Variants in DLG2 observed in about 807,000 individuals in gnomAD.
DLG2 encodes discs large MAGUK scaffold protein 2.
Under a neutral mutation model 132.5 loss-of-function variants are expected in DLG2, and 45 were observed. The observed-to-expected ratio is 0.34, with a 90% CI of 0.27 to 0.44. The LOEUF is 0.44. Ranked by LOEUF, DLG2 falls within the 20% of genes least tolerant of loss-of-function variation. The pLI, the probability that DLG2 is intolerant of heterozygous loss-of-function variation, is 1.00. For missense variants in DLG2, 1,045 were observed against 1,196.9 expected, an observed-to-expected ratio of 0.87 and a Z score of 1.87; for synonymous variants, 424 against 419.6, an observed-to-expected ratio of 1.01 and a Z score of -0.13.
chr11:84,384,445 A>G (rs899494195), intron 7 of DLG2, among the ~76,000 whole-genome samples: 1 of 152,048 alleles, frequency 6.6e-6, no homozygotes, highest in South Asian at 2.1e-4. Context: ...GATAGTTGGG[A>G]TAGTAAGCTT....
chr11:84,070,790 A>G (rs527945287), intron 10 of DLG2, among the ~76,000 whole-genome samples: 9 of 152,320 alleles, frequency 5.9e-5, no homozygotes, highest in African/African-American at 2.2e-4. Context: ...GTTTGAGTAC[A>G]GTGATCTTAA....
At chr11:83,682,271 T>TA in intron 18 of DLG2, 1 of 985,374 alleles carries the variant, frequency 1.0e-6, no homozygotes, top group Non-Finnish European at 1.2e-6. Context: ...CACTTGCCTT[T>TA]ATAACTAAGA....
rs189770489 is a variant in DLG2 at position 84,293,747 on chromosome 11, T to G, written c.520-42456A>C. On this transcript the variant is annotated intron_variant, in intron 7 of 27. Transcript: ENST00000376104. The stretch of plus-strand genomic sequence containing the variant: ...GGTAAAAACTTCATATAATGAGAGT[T>G]CCAATAAGAATGATTCTCTTAAACT... Among the ~76,000 whole-genome samples the G allele has an allele frequency of 2.0e-5, 3 of 152,256 alleles. No homozygotes were observed. The East Asian group carries it at 5.8e-4, about 29-fold the overall frequency.
At chr11:85,428,631 T>G (rs562483942) in intron 3 of DLG2, among the ~76,000 whole-genome samples, 134 of 152,300 alleles carry the variant, frequency 8.8e-4, no homozygotes, top group African/African-American at 3.1e-3. Context: ...CAAAGCAGTG[T>G]GTAGAGGGAA....
At chr11:85,026,389 T>C (rs2060513552) in intron 6 of DLG2, among the ~76,000 whole-genome samples, 1 of 152,056 alleles carries the variant, frequency 6.6e-6, no homozygotes, top group African/African-American at 2.4e-5. Context: ...TATGAAGACT[T>C]TTTCATACAA....
chr11:84,132,021 T>C (rs1340890945), intron 9 of DLG2, among the ~76,000 whole-genome samples: 2 of 151,836 alleles, frequency 1.3e-5, no homozygotes, highest in Non-Finnish European at 2.9e-5. Context: ...AAGAGAAAGA[T>C]ATTTATTCTG....
chr11:85,134,070 G>A (rs1309198299), intron 5 of DLG2, among the ~76,000 whole-genome samples: 1 of 152,008 alleles, frequency 6.6e-6, no homozygotes, highest in Non-Finnish European at 1.5e-5. Flanking sequence ...GAGAGTGAAT[G>A]ACAGAATGGA....
intron 19 of DLG2, among the ~76,000 whole-genome samples, chr11:83,564,681 G>A (rs532467): frequency 0.72 from 108,918 of 152,024 alleles, 39,708 homozygotes; most frequent in African/African-American, 0.86. Flanking sequence ...ATTTATTATT[G>A]GTGGGTTATC....
At chr11:83,917,022 T>C (rs1361312408) in intron 15 of DLG2, among the ~76,000 whole-genome samples, 1 of 152,216 alleles carries the variant, frequency 6.6e-6, no homozygotes, top group Non-Finnish European at 1.5e-5. Flanking sequence ...CATTATATGA[T>C]TTAATAATAC....
chr11:83,805,287 T>G (rs952196243), intron 17 of DLG2, among the ~76,000 whole-genome samples: 1 of 152,030 alleles, frequency 6.6e-6, no homozygotes, highest in African/African-American at 2.4e-5. Flanking sequence ...TAAAAAATGG[T>G]TATTTTATAA....
chr11:84,665,101 G>C (rs2099698536), intron 6 of DLG2, among the ~76,000 whole-genome samples: 1 of 152,076 alleles, frequency 6.6e-6, no homozygotes, highest in Non-Finnish European at 1.5e-5. Flanking sequence ...CCCTTACCTA[G>C]AGACAAGCTA....
chr11:83,622,203 C>T (rs1420160789), intron 19 of DLG2, among the ~76,000 whole-genome samples: 1 of 152,170 alleles, frequency 6.6e-6, no homozygotes, highest in Non-Finnish European at 1.5e-5. Flanking sequence ...GCTGCGATTA[C>T]AGGTGTGAGC....
In DLG2 at chr11:85,064,018, T is replaced by G. The variant is rs561395444; in HGVS notation, c.357+47643A>C. Among the ~76,000 whole-genome samples, 68 of 151,826 alleles carry G rather than the reference T, an allele frequency of 4.5e-4. 1 individual carries two copies. In the South Asian group the frequency reaches 0.012, roughly 26 times the overall value. On this transcript the variant is annotated intron_variant, in intron 6 of 27. Coordinates refer to ENST00000376104, the MANE Select transcript of DLG2 (RefSeq NM_001142699.3). The stretch of plus-strand genomic sequence containing the variant: ...AAGGGAAAATAAAAAATAACACAAA[T>G]ACAAGGCAAGCAGTTATTAAATCCA...
intron 8 of DLG2, among the ~76,000 whole-genome samples, chr11:84,171,138 C>G (rs2095811354): frequency 6.6e-6 from 1 of 151,996 alleles, no homozygotes; most frequent in South Asian, 2.1e-4. Flanking sequence ...GTAGCTGTTT[C>G]TCTCTAAAAA....
intron 4 of DLG2, among the ~76,000 whole-genome samples, chr11:85,252,015 C>A (rs1017188600): frequency 6.6e-6 from 1 of 151,990 alleles, no homozygotes; most frequent in Non-Finnish European, 1.5e-5. Flanking sequence ...AACAAAATAG[C>A]AAGAGCAAAA....
rs562418490 is a variant in DLG2 at position 85,070,733 on chromosome 11, C to A, written c.357+40928G>T. Reference sequence around the variant, plus strand: ...TATATAATCACTTACCATCCACCCTCTGAAGAATGAATCCTCTCCCACCTT... The same window carrying A: ...TATATAATCACTTACCATCCACCCTATGAAGAATGAATCCTCTCCCACCTT... On this transcript the variant is annotated intron_variant, in intron 6 of 27. Coordinates refer to ENST00000376104, the MANE Select transcript of DLG2 (RefSeq NM_001142699.3). 6.6e-5 allele frequency among the ~76,000 whole-genome samples: 10 copies of A among 151,986 alleles called. 1 individual carries two copies. Among genetic ancestry groups the A allele is most frequent in the African/African-American group, 2.4e-4 (10 of 41,520 alleles).
chr11:84,175,220 A>G (rs1473083313), intron 8 of DLG2, among the ~76,000 whole-genome samples: 5 of 152,130 alleles, frequency 3.3e-5, no homozygotes, highest in Non-Finnish European at 7.4e-5. Context: ...CTCTCTTACT[A>G]TACTTGTGGT....
chr11:83,871,282 G>C (rs2154063951), intron 16 of DLG2, among the ~76,000 whole-genome samples: 1 of 152,280 alleles, frequency 6.6e-6, no homozygotes, highest in South Asian at 2.1e-4. Context: ...AATTATAGAT[G>C]ATTCAGATAT....
chr11:84,871,606 G>T, intron 6 of DLG2, among the ~76,000 whole-genome samples: 1 of 152,022 alleles, frequency 6.6e-6, no homozygotes. Flanking sequence ...CTGCAAAAAA[G>T]CAAGCTGAAA....
Sources: allele counts gnomAD v4.1 joint callset (sites outside exome capture counted in the v4.1 genomes callset), GRCh38; gene constraint gnomAD v4.1.1; transcripts MANE v1.5; gene names NCBI Gene and HGNC (gene_info 2026-07-23, HGNC 2026-07-21).